CELF2: variants seen among roughly 807,000 people sequenced by gnomAD.
CELF2 encodes the protein CUG triplet repeat RNA-binding protein 2.
CELF2 carries 8 observed loss-of-function variants against 62.6 expected under a neutral mutation model. The observed-to-expected ratio is 0.13, with a 90% CI of 0.07 to 0.23. The LOEUF is 0.23. Among genes scored for constraint, CELF2 ranks in the 10% least tolerant of loss-of-function variants. The pLI is 1.00. For missense variants in CELF2, 333 were observed against 671.0 expected (o/e 0.50, Z 5.56); for synonymous variants, 258 against 250.0 (o/e 1.03, Z -0.30).
At chr10:11,104,251 A>G (rs1400224099) in intron 1 of CELF2, among the ~76,000 whole-genome samples, 2 of 152,228 alleles carry the variant, frequency 1.3e-5, no homozygotes, top group African/African-American at 4.8e-5. Flanking sequence ...TTTATGTCCT[A>G]GAATCTATTA....
At chr10:10,740,153 C>CTTTTT in the CELF2 span, among the ~76,000 whole-genome samples, 52 of 94,402 alleles carry the variant, frequency 5.5e-4, no homozygotes, top group Admixed American at 8.9e-4. Flanking sequence ...GTTGCCTGTG[C>CTTTTT]TTTTTTTTTT....
intron 1 of CELF2, among the ~76,000 whole-genome samples, chr10:10,863,104 T>C (rs926166796): frequency 1.3e-5 from 2 of 152,138 alleles, no homozygotes; most frequent in Admixed American, 1.3e-4. Flanking sequence ...GCTGTGAGCC[T>C]CAAAGAAGCG....
chr10:10,625,385 T>C, the CELF2 span, among the ~76,000 whole-genome samples: 1 of 152,212 alleles, frequency 6.6e-6, no homozygotes, highest in East Asian at 1.9e-4. Flanking sequence ...CACGGCAACC[T>C]TTTATAACGT....
At chr10:11,102,566 A>G (rs577841173) in intron 1 of CELF2, among the ~76,000 whole-genome samples, 1 of 151,952 alleles carries the variant, frequency 6.6e-6, no homozygotes, top group African/African-American at 2.4e-5. Context: ...TGTCCTTGAA[A>G]CTCGGGGCCC....
chr10:11,091,925 G>A (rs975048892), intron 1 of CELF2, among the ~76,000 whole-genome samples: 2 of 152,112 alleles, frequency 1.3e-5, no homozygotes, highest in African/African-American at 2.4e-5. Context: ...GCAGAACCAG[G>A]TATTTACAGG....
At chr10:10,629,512 T>C in the CELF2 span, among the ~76,000 whole-genome samples, 2 of 152,228 alleles carry the variant, frequency 1.3e-5, no homozygotes, top group Non-Finnish European at 2.9e-5. Context: ...AATTTTCACT[T>C]GCTTAAATTT....
intron 1 of CELF2, among the ~76,000 whole-genome samples, chr10:11,160,763 ATTTAG>A (rs1297482357): frequency 1.0e-4 from 15 of 150,278 alleles, no homozygotes; most frequent in Non-Finnish European, 1.9e-4. Flanking sequence ...GTGCTTTTTT[ATTTAG>A]TTTGCATTCT....
intron 1 of CELF2, among the ~76,000 whole-genome samples, chr10:11,049,419 C>T (rs905712694): frequency 4.6e-5 from 7 of 151,368 alleles, no homozygotes; most frequent in African/African-American, 1.5e-4. Context: ...GCCCTGTTTG[C>T]GTCTAATCAT....
intron 1 of CELF2, among the ~76,000 whole-genome samples, chr10:10,875,362 T>G (rs1364704369): frequency 6.6e-6 from 1 of 152,256 alleles, no homozygotes. Context: ...TTGTACATTT[T>G]TATGGATTTT....
chr10:10,511,148 G>A, the CELF2 span, among the ~76,000 whole-genome samples: 4 of 152,130 alleles, frequency 2.6e-5, no homozygotes, highest in Non-Finnish European at 5.9e-5. Flanking sequence ...GGTGGCTCAC[G>A]CCTGTAATCT....
chr10:11,035,312 G>A (rs751334106), intron 1 of CELF2, among the ~76,000 whole-genome samples: 1 of 152,212 alleles, frequency 6.6e-6, no homozygotes, highest in Non-Finnish European at 1.5e-5. Flanking sequence ...TAATATGGTA[G>A]CAGCCTGCTG....
chr10:11,238,551 T>C (rs145976929), intron 3 of CELF2, among the ~76,000 whole-genome samples: 224 of 152,330 alleles, frequency 1.5e-3, no homozygotes, highest in African/African-American at 5.1e-3. Context: ...CAAAGGTGCA[T>C]TGACATAAAG....
the CELF2 span, among the ~76,000 whole-genome samples, chr10:10,748,968 C>T: frequency 6.6e-6 from 1 of 152,034 alleles, no homozygotes; most frequent in African/African-American, 2.4e-5. Context: ...AAAGATGATT[C>T]AGCCTTCCAG....
intron 1 of CELF2, among the ~76,000 whole-genome samples, chr10:11,055,350 G>T (rs2064986735): frequency 6.6e-6 from 1 of 152,146 alleles, no homozygotes; most frequent in Non-Finnish European, 1.5e-5. Context: ...CTCATAATCT[G>T]CATTTCATGA....
the CELF2 span, among the ~76,000 whole-genome samples, chr10:10,674,111 A>G: frequency 6.6e-6 from 1 of 152,170 alleles, no homozygotes; most frequent in East Asian, 1.9e-4. Flanking sequence ...TGAATTGCTG[A>G]TAGAGGGGTA....
At chr10:10,646,335 G>A in the CELF2 span, among the ~76,000 whole-genome samples, 12 of 152,304 alleles carry the variant, frequency 7.9e-5, no homozygotes, top group African/African-American at 2.4e-4. Flanking sequence ...TGGGACAAAT[G>A]GAAATCAACA....
chr10:11,138,502 T>G (rs1373072145), intron 1 of CELF2, among the ~76,000 whole-genome samples: 1 of 152,222 alleles, frequency 6.6e-6, no homozygotes, highest in Non-Finnish European at 1.5e-5. Flanking sequence ...TTATTCATTC[T>G]GTGTTTACAC....
chr10:10,703,654 A>T, the CELF2 span, among the ~76,000 whole-genome samples: 2 of 152,236 alleles, frequency 1.3e-5, no homozygotes, highest in Admixed American at 6.5e-5. Context: ...AGGGCTGAGA[A>T]CCATCCATCA....
rs2054043947 is a variant in CELF2, at chr10:10,997,174, C to A, written c.89+77175C>A. On this transcript the variant is annotated intron_variant, in intron 2 of 13. Transcript: ENST00000636488. This position sits in a 1 kb window ranked among gnomAD's most constrained non-coding sequence, Gnocchi z 5.3. ...CTTGGGCCGTTTTTAATCTGCCAGG[C>A]CCTTGTGTTTCCTCATTTGTGTCAT... Among the ~76,000 whole-genome samples the A allele has an allele frequency of 6.6e-6, 1 of 152,126 alleles. No homozygotes were observed. The highest frequency in any genetic ancestry group is 2.4e-5 in the African/African-American group (1 of 41,430).
Sources: gnomAD v4.1 joint callset for allele counts (sites outside exome capture counted in the v4.1 genomes callset) on GRCh38, gnomAD v4.1.1 for gene constraint, Gnocchi (gnomAD v3.1) non-coding constraint, MANE v1.5 for transcripts, NCBI Gene and HGNC (gene_info 2026-07-23, HGNC 2026-07-21) for gene names.